SGCZ: variants seen among roughly 807,000 people sequenced by gnomAD.
SGCZ encodes the protein zeta-sarcoglycan.
A neutral mutation model predicts 41.3 loss-of-function variants in SGCZ; 40 were observed. The ratio of observed to expected loss-of-function variants is 0.97; its 90% CI spans 0.75 to 1.26. The LOEUF (loss-of-function observed/expected upper bound fraction) is 1.26, where lower values mean the gene tolerates loss of function less well. Ranked by LOEUF, SGCZ falls within the 50% of genes most tolerant of loss-of-function variation. The probability of loss-of-function intolerance (pLI) is 0.00; values close to 1 mark genes in which losing one functional copy is unlikely to be tolerated. For synonymous variants in SGCZ, 206 were observed against 137.5 expected (o/e 1.50, Z -3.49); for missense variants, 552 against 369.8 (o/e 1.49, Z -4.04).
chr8:14,257,088 G>A (rs1193386471), intron 3 of SGCZ, among the ~76,000 whole-genome samples: 1 of 152,056 alleles, frequency 6.6e-6, no homozygotes, highest in Admixed American at 6.6e-5. Context: ...CCTAGCACTA[G>A]AAGGCCAAAG....
chr8:14,250,525 G>A (rs1435163943), intron 3 of SGCZ, among the ~76,000 whole-genome samples: 1 of 152,130 alleles, frequency 6.6e-6, no homozygotes, highest in East Asian at 1.9e-4. Context: ...ATAAAAACCT[G>A]CAGTGTGCTA....
chr8:14,339,769 A>G (rs1208706932), intron 2 of SGCZ, among the ~76,000 whole-genome samples: 1 of 152,218 alleles, frequency 6.6e-6, no homozygotes, highest in African/African-American at 2.4e-5. Flanking sequence ...AGTACATAGC[A>G]CATAAGAAAG....
intron 1 of SGCZ, among the ~76,000 whole-genome samples, chr8:15,121,155 C>G (rs983821406): frequency 3.3e-5 from 5 of 152,154 alleles, no homozygotes; most frequent in African/African-American, 9.7e-5. Context: ...CCATCTTACC[C>G]TTCTTTGGTT....
intron 1 of SGCZ, among the ~76,000 whole-genome samples, chr8:14,649,461 C>T (rs1807327163): frequency 6.6e-6 from 1 of 152,040 alleles, no homozygotes; most frequent in Admixed American, 6.6e-5. Flanking sequence ...CTGCAGCAGC[C>T]ACCCTGGGAT....
chr8:14,469,363 T>C (rs1427452712), intron 2 of SGCZ, among the ~76,000 whole-genome samples: 9 of 151,274 alleles, frequency 5.9e-5, no homozygotes, highest in African/African-American at 2.2e-4. Context: ...GATCTCAGTC[T>C]GGTCTACTTG....
chr8:14,787,119 T>C (rs1391390774), intron 1 of SGCZ, among the ~76,000 whole-genome samples: 1 of 152,128 alleles, frequency 6.6e-6, no homozygotes, highest in African/African-American at 2.4e-5. Flanking sequence ...TGGAGCCATA[T>C]GACACAGAAG....
chr8:14,449,543 A>G (rs551812252), intron 2 of SGCZ, among the ~76,000 whole-genome samples: 1 of 152,244 alleles, frequency 6.6e-6, no homozygotes, highest in Admixed American at 6.5e-5. Flanking sequence ...AGCTGGATAT[A>G]CTAAGGCTTT....
chr8:14,148,984 A>C (rs1803612634), intron 5 of SGCZ, among the ~76,000 whole-genome samples: 1 of 152,120 alleles, frequency 6.6e-6, no homozygotes, highest in African/African-American at 2.4e-5. Context: ...AAAATTCCAC[A>C]TCTCTTCATG....
In SGCZ at chr8:14,619,235, C is replaced by T. The variant is rs987543121; in HGVS notation, c.40-64309G>A. On this transcript the variant is annotated intron_variant, in intron 1 of 7. Transcript: ENST00000382080. ...TGCAGAAAAGGCCTTTGACAAAATT[C>T]AACAACCTTCATGCTAAAAACTCTC... is the stretch of plus-strand genomic sequence containing the variant. 1.3e-5 allele frequency among the ~76,000 whole-genome samples: 2 copies of T among 152,084 alleles called. 1 individual carries two copies. Among genetic ancestry groups the T allele is most frequent in the East Asian group, 3.9e-4 (2 of 5,174 alleles).
At chr8:15,194,329 C>A (rs1397750992) in intron 1 of SGCZ, among the ~76,000 whole-genome samples, 1 of 152,020 alleles carries the variant, frequency 6.6e-6, no homozygotes, top group Non-Finnish European at 1.5e-5. Flanking sequence ...TCATGGTGGG[C>A]ACCAAAACCC....
intron 1 of SGCZ, among the ~76,000 whole-genome samples, chr8:14,799,278 T>C (rs1012094051): frequency 2.0e-5 from 3 of 152,180 alleles, no homozygotes; most frequent in South Asian, 2.1e-4. Context: ...TGCTAAACTT[T>C]TTATTTTTCT....
At chr8:14,149,304 G>C (rs78557439) in intron 5 of SGCZ, among the ~76,000 whole-genome samples, 2,108 of 152,076 alleles carry the variant, frequency 0.014, 46 homozygotes, top group African/African-American at 0.047. Context: ...CCCCCAAAAT[G>C]ATTAGAACTG....
rs117963221 is a variant in SGCZ at position 14,248,874 on chromosome 8, C to T, written c.337-11195G>A. On this transcript the variant is annotated intron_variant, in intron 3 of 7. Coordinates refer to ENST00000382080, the MANE Select transcript of SGCZ (RefSeq NM_139167.4). ...TGCTGTAACTTAATTTCTATAGAAA[C>T]AGATGAGAAAAACCAGAGATATAAT... 7.1e-3 allele frequency among the ~76,000 whole-genome samples: 1,071 copies of T among 151,914 alleles called. 38 individuals are homozygous for T. The highest frequency in any genetic ancestry group is 0.05 in the Admixed American group (755 of 15,240).
intron 1 of SGCZ, among the ~76,000 whole-genome samples, chr8:14,618,050 G>C (rs1806162784): frequency 6.6e-6 from 1 of 151,836 alleles, no homozygotes; most frequent in South Asian, 2.1e-4. Flanking sequence ...TATTAAATGA[G>C]AGATGAAAAG....
chr8:14,500,629 T>G (rs1802124620), intron 2 of SGCZ, among the ~76,000 whole-genome samples: 1 of 152,050 alleles, frequency 6.6e-6, no homozygotes, highest in African/African-American at 2.4e-5. Flanking sequence ...GGATTTAATT[T>G]TTAAAGCATA....
chr8:15,048,999 G>A (rs1400832461), intron 1 of SGCZ, among the ~76,000 whole-genome samples: 2 of 152,054 alleles, frequency 1.3e-5, no homozygotes, highest in East Asian at 1.9e-4. Flanking sequence ...AGTTTTCTAA[G>A]TTTTCCTCAA....
chr8:14,475,586 T>A (rs924977864), intron 2 of SGCZ, among the ~76,000 whole-genome samples: 3 of 152,166 alleles, frequency 2.0e-5, no homozygotes, highest in African/African-American at 7.2e-5. Flanking sequence ...TATGTCTTTA[T>A]TGGTTGGATT....
chr8:14,968,542 A>T (rs1463172078), intron 1 of SGCZ, among the ~76,000 whole-genome samples: 2 of 152,232 alleles, frequency 1.3e-5, no homozygotes, highest in South Asian at 2.1e-4. Context: ...TAAAAATCTA[A>T]AGGGCAAGAT....
intron 2 of SGCZ, among the ~76,000 whole-genome samples, chr8:14,455,642 T>A (rs966927181): frequency 1.3e-5 from 2 of 152,212 alleles, no homozygotes; most frequent in Admixed American, 1.3e-4. Context: ...TATGGAAATA[T>A]ATATGCATCA....
Sources: gnomAD v4.1 joint callset for allele counts (sites outside exome capture counted in the v4.1 genomes callset) on GRCh38, gnomAD v4.1.1 for gene constraint, MANE v1.5 for transcripts, NCBI Gene and HGNC (gene_info 2026-07-23, HGNC 2026-07-21) for gene names.